Variants in SLC6A17 observed in about 807,000 individuals in gnomAD.
SLC6A17 encodes sodium-dependent neutral amino acid transporter SLC6A17.
In SLC6A17, 21 loss-of-function variants were observed where a neutral mutation model predicts 64.5. The ratio of observed to expected loss-of-function variants is 0.33; its 90% CI spans 0.23 to 0.47. SLC6A17 has a LOEUF of 0.47. Among genes scored for constraint, SLC6A17 ranks in the 20% least tolerant of loss-of-function variants. The probability of loss-of-function intolerance (pLI) is 1.00; values close to 1 mark genes in which losing one functional copy is unlikely to be tolerated. For missense variants in SLC6A17, 682 were observed against 963.2 expected, an observed-to-expected ratio of 0.71 and a Z score of 3.86; for synonymous variants, 372 against 399.5, an observed-to-expected ratio of 0.93 and a Z score of 0.82.
intron 3 of SLC6A17, 32 bp downstream of exon 3, chr1:110,172,249 G>A (rs1160601711): frequency 6.5e-7 from 1 of 1,549,290 alleles, no homozygotes; most frequent in Non-Finnish European, 8.7e-7. Context: ...GCACTGAGTG[G>A]GAGGCAGGGG....
At chr1:110,196,483 G>C (rs991623755) in intron 10 of SLC6A17, among the ~76,000 whole-genome samples, 12 of 152,156 alleles carry the variant, frequency 7.9e-5, no homozygotes, top group East Asian at 1.9e-4. Flanking sequence ...GACAGGGAGT[G>C]GGGGGAAGGA....
At chr1:110,169,873 C>T (rs1407941535) in intron 2 of SLC6A17, among the ~76,000 whole-genome samples, 1 of 152,228 alleles carries the variant, frequency 6.6e-6, no homozygotes, top group Non-Finnish European at 1.5e-5. Flanking sequence ...TTATTAACCA[C>T]AAATTCTGCC....
intron 6 of SLC6A17, among the ~76,000 whole-genome samples, chr1:110,191,622 T>C (rs1656826134): frequency 6.6e-6 from 1 of 152,204 alleles, no homozygotes; most frequent in African/African-American, 2.4e-5. Flanking sequence ...AATGGCACTC[T>C]CTAGAGCTGT....
Position 110,194,542 on chromosome 1 carries a change from G to T in SLC6A17, c.1300-37G>T, listed in dbSNP as rs768376268. 56 of 1,601,616 alleles carry T rather than the reference G, an allele frequency of 3.5e-5. 1 individual carries two copies. The highest frequency in any genetic ancestry group is 1.1e-5 in the South Asian group (1 of 90,638). On this transcript the variant is annotated intron_variant, in intron 8 of 11. Coordinates refer to ENST00000331565, the MANE Select transcript of SLC6A17 (RefSeq NM_001010898.4). ...GAAGCAGTGGGCTCCCCAGGGAGGG[G>T]TGACCTCACAGGCCCTGCTTTCCAC... is the stretch of plus-strand genomic sequence containing the variant.
At chr1:110,173,050 A>G (rs1351012937) in intron 3 of SLC6A17, among the ~76,000 whole-genome samples, 6 of 152,260 alleles carry the variant, frequency 3.9e-5, no homozygotes, top group African/African-American at 1.4e-4. Context: ...CACGTCAGCC[A>G]TCAGCTTTGC....
rs899209062 is a variant in SLC6A17 at position 110,159,999 on chromosome 1, C to A, written c.-87-6844C>A. 2.0e-5 allele frequency among the ~76,000 whole-genome samples: 3 copies of A among 152,236 alleles called. No homozygotes were observed. In the East Asian group the frequency reaches 5.8e-4, roughly 29 times the overall value. On this transcript the variant is annotated intron_variant, in intron 1 of 11. Transcript: ENST00000331565. ...GTCAATTGAGGTATGAAATGGAAGA[C>A]CAAAACACAAACCCGACAAATCTGT...
chr1:110,167,316 G>A, intron 2 of SLC6A17, 101 bp downstream of exon 2: 1 of 1,423,240 alleles, frequency 7.0e-7, no homozygotes, highest in Non-Finnish European at 9.3e-7. Flanking sequence ...TGGAGCCCTT[G>A]TAGGTTGGAG....
At chr1:110,180,276 G>A (rs969341657) in intron 6 of SLC6A17, among the ~76,000 whole-genome samples, 7 of 152,144 alleles carry the variant, frequency 4.6e-5, no homozygotes, top group Admixed American at 2.0e-4. Flanking sequence ...AAATAGAAAC[G>A]TCCCCTACCT....
chr1:110,161,713 G>T (rs1343360952), intron 1 of SLC6A17, among the ~76,000 whole-genome samples: 1 of 152,198 alleles, frequency 6.6e-6, no homozygotes, highest in Non-Finnish European at 1.5e-5. Flanking sequence ...GGCCCAGGAG[G>T]TGGGTGCTCA....
At chr1:110,184,429 T>C (rs1175625734) in intron 6 of SLC6A17, among the ~76,000 whole-genome samples, 3 of 152,232 alleles carry the variant, frequency 2.0e-5, no homozygotes, top group African/African-American at 7.2e-5. Context: ...TTACAATGGA[T>C]AGTGCTTATT....
intron 6 of SLC6A17, chr1:110,178,094 G>C (rs908277550): frequency 2.6e-5 from 4 of 152,320 alleles, no homozygotes; most frequent in Admixed American, 1.3e-4. Flanking sequence ...GTTTCTTTGG[G>C]AGAAAATAGC....
At chr1:110,178,989 A>G (rs1218407681) in intron 6 of SLC6A17, among the ~76,000 whole-genome samples, 1 of 152,250 alleles carries the variant, frequency 6.6e-6, no homozygotes, top group African/African-American at 2.4e-5. Context: ...AACAATGTTT[A>G]GCATTTCTGC....
At chr1:110,154,374 T>C (rs1400002970) in intron 1 of SLC6A17, among the ~76,000 whole-genome samples, 3 of 152,266 alleles carry the variant, frequency 2.0e-5, no homozygotes, top group Admixed American at 6.5e-5. Flanking sequence ...ACATTCTTAA[T>C]AAATGCTGAC....
chr1:110,151,073 C>T (rs778348599), intron 1 of SLC6A17, among the ~76,000 whole-genome samples, 190 bp downstream of exon 1: 1 of 152,236 alleles, frequency 6.6e-6, no homozygotes, highest in Non-Finnish European at 1.5e-5. Context: ...GGCGACGGAG[C>T]CCCGGGGCCC....
intron 1 of SLC6A17, among the ~76,000 whole-genome samples, chr1:110,164,425 C>T (rs896487421): frequency 3.3e-5 from 5 of 152,218 alleles, no homozygotes; most frequent in Admixed American, 6.5e-5. Context: ...AATGTTGAGT[C>T]GGACAATTGC....
intron 6 of SLC6A17, among the ~76,000 whole-genome samples, chr1:110,181,109 C>T (rs1030186822): frequency 9.2e-5 from 14 of 152,266 alleles, no homozygotes; most frequent in East Asian, 3.9e-4. Flanking sequence ...TTGAATTCCT[C>T]GGGCAGCTTT....
At position 110,198,891 on chromosome 1, in the gene SLC6A17, G is replaced by GA; in HGVS notation, c.*447_*448insA. The GA allele has an allele frequency of 6.0e-6, 1 of 166,068 alleles. No individual in the cohort carries two copies. The highest frequency in any genetic ancestry group is 1.3e-5 in the Non-Finnish European group (1 of 76,712). The allele number at this position is 166,068 out of a possible 1,614,324, so 10.3% of individuals were successfully genotyped here. On this transcript the variant is annotated 3_prime_UTR_variant, in exon 12 of 12. Transcript: ENST00000331565. ...AGGAGAGTGGACTTTGGCTCACTCTGCCATGAGAACAGGACACCATCCTGC... is the reference window on the plus strand; with the variant it reads ...AGGAGAGTGGACTTTGGCTCACTCTGACCATGAGAACAGGACACCATCCTGC...
At position 110,172,131 on chromosome 1, in the gene SLC6A17, G is replaced by A. The variant is rs771953000; in HGVS notation, c.358G>A (p.Val120Met). 14 of 1,614,012 alleles carry A rather than the reference G, an allele frequency of 8.7e-6. No homozygotes were observed. Among genetic ancestry groups the A allele is most frequent in the African/African-American group, 1.3e-5 (1 of 75,044 alleles). The part of the protein sequence containing the change: ...GIPLFFLELA[V>M]GQRIRRGSIG... ...CCCCCTCTTCTTCCTGGAGCTGGCT[G>A]TGGGTCAGAGGATCCGCCGCGGCAG... The change falls in exon 3 of 12, where the codon GTG becomes ATG. Residue 120 changes from valine (V) to methionine (M), a missense_variant. Physicochemically the swap from Val to Met is conservative, Grantham distance 21. Coordinates refer to ENST00000331565, the MANE Select transcript of SLC6A17 (RefSeq NM_001010898.4).
chr1:110,189,785 G>A (rs1656778808), intron 6 of SLC6A17, among the ~76,000 whole-genome samples: 2 of 152,118 alleles, frequency 1.3e-5, no homozygotes, highest in African/African-American at 2.4e-5. Context: ...CTTCCCGAAT[G>A]TTCTTCCCTC....
Sources: gnomAD v4.1 joint callset for allele counts (sites outside exome capture counted in the v4.1 genomes callset) on GRCh38, gnomAD v4.1.1 for gene constraint, MANE v1.5 for transcripts, NCBI Gene and HGNC (gene_info 2026-07-23, HGNC 2026-07-21) for gene names.